AADACL3: variants seen among roughly 807,000 people sequenced by gnomAD.
AADACL3 encodes the protein arylacetamide deacetylase like 3.
Under a neutral mutation model 13.6 loss-of-function variants are expected in AADACL3, and 13 were observed. The ratio of observed to expected loss-of-function variants is 0.95; its 90% confidence interval spans 0.62 to 1.52. The LOEUF (loss-of-function observed/expected upper bound fraction) is 1.52, where lower values mean the gene tolerates loss of function less well. Among genes scored for constraint, AADACL3 ranks in the 40% most tolerant of loss-of-function variants. The probability of loss-of-function intolerance (pLI) is 0.00; values close to 1 mark genes in which losing one functional copy is unlikely to be tolerated. For synonymous variants in AADACL3, 195 were observed against 197.0 expected (o/e 0.99, Z 0.08); for missense variants, 519 against 499.2 (o/e 1.04, Z -0.38).
In AADACL3 at chr1:12,719,536, A is replaced by G; in HGVS notation, c.230A>G (p.Asp77Gly). The change falls in exon 2 of 4, where the codon GAT becomes GGT. Residue 77 changes from aspartate to glycine, a missense_variant. Transcript: ENST00000359318. Reference sequence around the variant, plus strand: ...CCCCAATTTTTCTGTTTCATGCAAGATCTGCCTCCGCTAAAGTATGACCCC... The same window carrying G: ...CCCCAATTTTTCTGTTTCATGCAAGGTCTGCCTCCGCTAAAGTATGACCCC... ...SMPQFFCFMQDLPPLKYDPDV... is the reference protein window; with the variant it reads ...SMPQFFCFMQGLPPLKYDPDV... 2 of 1,614,138 alleles carry G rather than the reference A, an allele frequency of 1.2e-6. No individual in the cohort carries two copies. The highest frequency in any genetic ancestry group is 1.1e-5 in the South Asian group (1 of 91,078).
chr1:12,718,807 T>G (rs1312661521), intron 1 of AADACL3, among the ~76,000 whole-genome samples: 4 of 152,196 alleles, frequency 2.6e-5, no homozygotes. Context: ...GGCTGTATTT[T>G]CAACCCTTTA....
At position 12,720,954 on chromosome 1, in the gene AADACL3, A is replaced by G. The variant is rs199614160; in HGVS notation, c.449+8A>G. 76 of 1,594,174 alleles carry G rather than the reference A, an allele frequency of 4.8e-5. No individual in the cohort carries two copies. The African/African-American group carries it at 7.5e-4, about 16-fold the overall frequency. Reference sequence around the variant, plus strand: ...CGTGGTTCTGGCAGTTGGGTGAGTAAAGGGGAGATCCCAGGGAGCCAGCAA... The same window carrying G: ...CGTGGTTCTGGCAGTTGGGTGAGTAGAGGGGAGATCCCAGGGAGCCAGCAA... On this transcript the variant is annotated splice_region_variant and intron_variant, in intron 3 of 3. Coordinates refer to ENST00000359318, the MANE Select transcript of AADACL3 (RefSeq NM_001103170.3).
intron 3 of AADACL3, among the ~76,000 whole-genome samples, chr1:12,724,740 C>T (rs59060508): frequency 1.3e-5 from 2 of 152,116 alleles, no homozygotes; most frequent in Non-Finnish European, 2.9e-5. Flanking sequence ...CCCATCTCAG[C>T]CTCCCAAAGT....
Position 12,716,213 on chromosome 1 carries a change from T to G in AADACL3, c.37T>G (p.Cys13Gly), listed in dbSNP as rs917368863. The G allele has an allele frequency of 8.4e-7, 1 of 1,186,384 alleles. No individual in the cohort carries two copies. Among genetic ancestry groups the G allele is most frequent in the Admixed American group, 1.7e-5 (1 of 58,980 alleles). The allele number at this position is 1,186,384 out of a possible 1,614,324, so 73.5% of individuals were successfully genotyped here. A position where few individuals can be genotyped will look rare whatever the true frequency, so the allele number is the denominator to read the frequency against. Residue 13 changes from cysteine (C) to glycine (G), a missense_variant, in exon 1 of 4, where the codon TGC (cysteine) becomes GGC (glycine). Transcript: ENST00000359318. ...DLALIFLAAA[C>G]VFSLGVTLWV... ...GGCCCTGATCTTCCTCGCAGCAGCC[T>G]GCGTGTTCTCACTAGGGGTCACTCT...
intron 2 of AADACL3, 102 bp downstream of exon 2, chr1:12,719,793 C>A: frequency 8.5e-7 from 1 of 1,177,370 alleles, no homozygotes. Context: ...CTATTATTAT[C>A]AGGGAACACC....
Position 12,719,574 on chromosome 1 carries a change from A to T in AADACL3, c.268A>T (p.Thr90Ser). ...AAAGTATGACCCCGATGTTGTGGTCACGGATTTCCGCTTTGGGACAATCCC... is the reference window on the plus strand; with the variant it reads ...AAAGTATGACCCCGATGTTGTGGTCTCGGATTTCCGCTTTGGGACAATCCC... ...PLKYDPDVVV[T>S]DFRFGTIPVK... is the part of the protein sequence containing the mutation. The change falls in exon 2 of 4, where the codon ACG (threonine) becomes TCG (serine). Residue 90 changes from threonine (T) to serine (S), a missense_variant. Physicochemically the swap from Thr to Ser is moderately conservative, Grantham distance 58 (BLOSUM62 1). Transcript: ENST00000359318. 5 of 1,614,156 alleles carry T rather than the reference A, an allele frequency of 3.1e-6. No homozygotes were observed. Among genetic ancestry groups the T allele is most frequent in the Non-Finnish European group, 3.4e-6 (4 of 1,180,006 alleles).
At chr1:12,719,115 G>A (rs1294583583) in intron 1 of AADACL3, among the ~76,000 whole-genome samples, 1 of 152,196 alleles carries the variant, frequency 6.6e-6, no homozygotes, top group Non-Finnish European at 1.5e-5. Context: ...GGCCTCCCTG[G>A]AAACAGATGT....
At position 12,725,591 on chromosome 1, in the gene AADACL3, G is replaced by C; in HGVS notation, c.819G>C (p.Leu273Phe). 6.2e-7 allele frequency: 1 copy of C among 1,614,034 alleles called. No individual in the cohort carries two copies. Among genetic ancestry groups the C allele is most frequent in the South Asian group, 1.1e-5 (1 of 91,062 alleles). Residue 273 changes from leucine to phenylalanine, a missense_variant, in exon 4 of 4, where the codon TTG (leucine) becomes TTC (phenylalanine). Coordinates refer to ENST00000359318, the MANE Select transcript of AADACL3 (RefSeq NM_001103170.3). ...AGGTCATCATGAAAGGTGCCCATTTGCCTGCTGAAGTCTGGGAAAAGTACA... is the reference window on the plus strand; with the variant it reads ...AGGTCATCATGAAAGGTGCCCATTTCCCTGCTGAAGTCTGGGAAAAGTACA... ...WQEVIMKGAHLPAEVWEKYRK... is the reference protein window; with the variant it reads ...WQEVIMKGAHFPAEVWEKYRK...
chr1:12,721,684 C>T lies in AADACL3; in HGVS notation c.449+738C>T, dbSNP rs76271746. On this transcript the variant is annotated intron_variant, in intron 3 of 3. Transcript: ENST00000359318. ...GCCTGTGGTACCCCGCACCATCACTCAAACAACCCGAAATGCTGCCACGTT... is the reference window on the plus strand; with the variant it reads ...GCCTGTGGTACCCCGCACCATCACTTAAACAACCCGAAATGCTGCCACGTT... Among the ~76,000 whole-genome samples the T allele has an allele frequency of 2.5e-3, 380 of 152,352 alleles. 1 individual carries two copies. Among genetic ancestry groups the T allele is most frequent in the African/African-American group, 8.8e-3 (366 of 41,572 alleles).
chr1:12,725,863 G>C lies in AADACL3; in HGVS notation c.1091G>C (p.Gly364Ala). 1.2e-6 allele frequency: 2 copies of C among 1,614,222 alleles called. No individual in the cohort carries two copies. The highest frequency in any genetic ancestry group is 1.7e-6 in the Non-Finnish European group (2 of 1,180,042). The change falls in exon 4 of 4, where the codon GGA (glycine) becomes GCA (alanine). Residue 364 changes from glycine to alanine, a missense_variant. Transcript: ENST00000359318. ...LLYKKRLEDL[G>A]VPVTWHHMED... ...TACAAGAAAAGGCTGGAAGACCTGG[G>C]AGTGCCCGTGACCTGGCACCATATG...
chr1:12,727,027 CTG>C lies in AADACL3; in HGVS notation c.*1035_*1036del, dbSNP rs1171075690. ...CTTCTCTGCTCTGCTCTTCTCTCCT[CTG>C]TGTTAATGCCACCTTCTCCTCTTCA... On this transcript the variant is annotated 3_prime_UTR_variant, in exon 4 of 4. Transcript: ENST00000359318. The C allele has an allele frequency of 6.6e-6, 1 of 152,382 alleles. No homozygotes were observed. Among genetic ancestry groups the C allele is most frequent in the African/African-American group, 2.4e-5 (1 of 41,456 alleles). The allele number at this position is 152,382 out of a possible 1,614,324, so 9.4% of individuals were successfully genotyped here.
At chr1:12,723,826 C>T (rs1482300075) in intron 3 of AADACL3, among the ~76,000 whole-genome samples, 1 of 146,066 alleles carries the variant, frequency 6.8e-6, no homozygotes, top group Non-Finnish European at 1.5e-5. Context: ...TCTTGTTGCC[C>T]AGGTTGGAGT....
chr1:12,716,632 C>T (rs930334332), intron 1 of AADACL3, among the ~76,000 whole-genome samples: 8 of 152,164 alleles, frequency 5.3e-5, no homozygotes, highest in African/African-American at 1.2e-4. Flanking sequence ...GAGTGTCTCC[C>T]GCTGACTTTC....
Position 12,725,974 on chromosome 1 carries a change from T to C in AADACL3, c.1202T>C (p.Val401Ala), listed in dbSNP as rs1638363647. 1 of 1,612,728 alleles carries C rather than the reference T, an allele frequency of 6.2e-7. No homozygotes were observed. The highest frequency in any genetic ancestry group is 2.2e-5 in the East Asian group (1 of 44,864). ...TCCATGAGAATTCTGAGTGCATTAGTTCAATTTGTAAAGGGACTGTGACCA... is the reference window on the plus strand; with the variant it reads ...TCCATGAGAATTCTGAGTGCATTAGCTCAATTTGTAAAGGGACTGTGACCA... ...PCSMRILSAL[V>A]QFVKGL is the part of the protein sequence containing the mutation. Residue 401 changes from valine (V) to alanine (A), a missense_variant, in exon 4 of 4, where the codon GTT (valine) becomes GCT (alanine). Physicochemically the swap from Val to Ala is moderately conservative, Grantham distance 64 (BLOSUM62 0). Coordinates refer to ENST00000359318, the MANE Select transcript of AADACL3 (RefSeq NM_001103170.3).
chr1:12,716,157 C>A lies in AADACL3; in HGVS notation c.-20C>A. The A allele has an allele frequency of 1.4e-6, 1 of 732,372 alleles. No individual in the cohort carries two copies. The highest frequency in any genetic ancestry group is 2.4e-6 in the Non-Finnish European group (1 of 413,388). The allele number at this position is 732,372 out of a possible 1,614,324, so 45.4% of individuals were successfully genotyped here. On this transcript the variant is annotated 5_prime_UTR_variant, in exon 1 of 4. Transcript: ENST00000359318. ...CACTGCGCACAGCTTCCTCTCAGCC[C>A]GCTCTGAGCTGGAAGCAGCATGTGG...
At chr1:12,716,439 G>T in intron 1 of AADACL3, 95 bp downstream of exon 1, 1 of 1,505,286 alleles carries the variant, frequency 6.6e-7, no homozygotes, top group South Asian at 1.1e-5. Flanking sequence ...AATGAACACC[G>T]GTATCATGGG....
At position 12,726,231 on chromosome 1, in the gene AADACL3, G is replaced by A. The variant is rs1638368613; in HGVS notation, c.*235G>A. The A allele has an allele frequency of 3.8e-6, 2 of 524,774 alleles. No homozygotes were observed. The highest frequency in any genetic ancestry group is 6.7e-6 in the Non-Finnish European group (2 of 299,636). 32.5% of individuals were successfully genotyped at this position (524,774 alleles called of 1,614,324 possible). A position where few individuals can be genotyped will look rare whatever the true frequency, so the allele number is the denominator to read the frequency against. ...AGTGTGGCTGTCTCTATTCTCTGTT[G>A]GGAAAACCTGGGCTGACAATATTCA... is the stretch of plus-strand genomic sequence containing the variant. On this transcript the variant is annotated 3_prime_UTR_variant, in exon 4 of 4. Coordinates refer to ENST00000359318, the MANE Select transcript of AADACL3 (RefSeq NM_001103170.3).
intron 2 of AADACL3, among the ~76,000 whole-genome samples, chr1:12,720,599 C>T (rs1638227988): frequency 6.6e-6 from 1 of 152,116 alleles, no homozygotes; most frequent in Non-Finnish European, 1.5e-5. Flanking sequence ...GAACTCCAGT[C>T]TGAATCCAGA....
intron 1 of AADACL3, among the ~76,000 whole-genome samples, chr1:12,718,448 A>G (rs1350460386): frequency 6.6e-6 from 1 of 151,878 alleles, no homozygotes; most frequent in Non-Finnish European, 1.5e-5. Context: ...AAGGATTAGG[A>G]AACACTGGAA....
Sources: allele counts gnomAD v4.1 joint callset (sites outside exome capture counted in the v4.1 genomes callset), GRCh38; gene constraint gnomAD v4.1.1; transcripts MANE v1.5; gene names NCBI Gene and HGNC (gene_info 2026-07-23, HGNC 2026-07-21).